TTC34: variants seen among roughly 807,000 people sequenced by gnomAD.
TTC34 encodes the protein tetratricopeptide repeat protein 34.
TTC34 carries 44 observed loss-of-function variants against 40.7 expected under a neutral mutation model. That is an observed-to-expected ratio of 1.08 (90% confidence interval 0.85 to 1.39). The LOEUF (loss-of-function observed/expected upper bound fraction) is 1.39, where lower values mean the gene tolerates loss of function less well. Among genes scored for constraint, TTC34 ranks in the 40% most tolerant of loss-of-function variants. TTC34 has a pLI of 0.00. For synonymous variants in TTC34, 422 were observed against 398.6 expected (o/e 1.06, Z -0.70); for missense variants, 884 against 838.0 (o/e 1.05, Z -0.68).
chr1:2,655,246 A>AGTCTGCT lies in TTC34; in HGVS notation c.2227-9684_2227-9683insAGCAGAC, dbSNP rs1223946446. 3.7e-5 allele frequency among the ~76,000 whole-genome samples: 4 copies of AGTCTGCT among 106,904 alleles called. No individual in the cohort carries two copies. The Admixed American group carries it at 4.5e-4, about 12-fold the overall frequency. 70.1% of individuals were successfully genotyped at this position (106,904 alleles called of 152,430 possible). A position where few individuals can be genotyped will look rare whatever the true frequency, so the allele number is the denominator to read the frequency against. On this transcript the variant is annotated intron_variant, in intron 6 of 8. Transcript: ENST00000401095. ...TGAGCATCTGACAGGCTGGAGCAGC[A>AGTCTGCT]CGCACACCCCCAGTGAGCATCTGAC... is the stretch of plus-strand genomic sequence containing the variant.
At chr1:2,683,392 G>A (rs1256881757) in intron 6 of TTC34, among the ~76,000 whole-genome samples, 2 of 17,408 alleles carry the variant, frequency 1.1e-4, no homozygotes, top group East Asian at 1.7e-3. Context: ...GCACCCACAC[G>A]CCCAGGTGAG....
intron 6 of TTC34, among the ~76,000 whole-genome samples, chr1:2,687,151 A>G (rs1472284405): frequency 6.9e-6 from 1 of 144,032 alleles, no homozygotes; most frequent in Non-Finnish European, 1.5e-5. Context: ...GACAGCCTGG[A>G]ACAGTACCCA....
intron 6 of TTC34, among the ~76,000 whole-genome samples, chr1:2,757,667 A>T (rs1641551843): frequency 6.9e-6 from 1 of 144,094 alleles, no homozygotes; most frequent in Non-Finnish European, 1.5e-5. Flanking sequence ...AGCAGGACCC[A>T]CACCCCTAGG....
At chr1:2,681,104 CCCCAGG>C (rs1640050859) in intron 6 of TTC34, among the ~76,000 whole-genome samples, 1 of 86,488 alleles carries the variant, frequency 1.2e-5, no homozygotes, top group African/African-American at 4.1e-5. Context: ...GTGCCCACAC[CCCCAGG>C]TGAGCATCTG....
At chr1:2,750,899 A>T (rs1368881176) in intron 6 of TTC34, among the ~76,000 whole-genome samples, 1 of 108,968 alleles carries the variant, frequency 9.2e-6, no homozygotes, top group Non-Finnish European at 1.8e-5. Context: ...CCAGGCGAGC[A>T]TCTGAACGCA....
chr1:2,686,593 C>T (rs1210645099), intron 6 of TTC34, among the ~76,000 whole-genome samples: 1 of 144,684 alleles, frequency 6.9e-6, no homozygotes, highest in African/African-American at 2.7e-5. Flanking sequence ...CCTGGAACAG[C>T]ACACACACCC....
chr1:2,684,898 C>A (rs1402669740), intron 6 of TTC34, among the ~76,000 whole-genome samples: 2 of 114,508 alleles, frequency 1.7e-5, no homozygotes, highest in East Asian at 2.9e-4. Context: ...CATCTGACAG[C>A]CTGGAACAGC....
In TTC34 at chr1:2,783,685, ACT is replaced by A. The variant is rs1304656924; in HGVS notation, c.2148_2149del (p.Val717AlafsTer4). ...CACGTTCCCCGGCTCAGCCCGCAGC[ACT>A]GTGTTGAAGTCGAACATGGCCGTCT... On this transcript the variant is annotated frameshift_variant, in exon 6 of 9. Transcript: ENST00000401095. LOFTEE classifies it high-confidence loss of function. 6.5e-7 allele frequency: 1 copy of A among 1,544,186 alleles called. No homozygotes were observed. The highest frequency in any genetic ancestry group is 8.7e-7 in the Non-Finnish European group (1 of 1,143,024).
intron 6 of TTC34, chr1:2,775,228 C>A (rs1326752738): frequency 1.3e-5 from 2 of 150,310 alleles, no homozygotes; most frequent in South Asian, 2.1e-4. Flanking sequence ...AGCATCCACA[C>A]CCCCAGGCGA....
At chr1:2,767,551 C>G (rs1265951006) in intron 6 of TTC34, among the ~76,000 whole-genome samples, 1 of 117,448 alleles carries the variant, frequency 8.5e-6, no homozygotes, top group African/African-American at 3.4e-5. Flanking sequence ...ACGCATAAAA[C>G]AGCACCCTGC....
chr1:2,638,800 G>T (rs2100982097), exon 9 of TTC34: 1 of 152,472 alleles, frequency 6.6e-6, no homozygotes, highest in Middle Eastern at 3.4e-3. Flanking sequence ...GGGATAAGGG[G>T]AACCGAGACT....
intron 6 of TTC34, among the ~76,000 whole-genome samples, chr1:2,753,385 A>G (rs1641392470): frequency 7.8e-6 from 1 of 128,536 alleles, no homozygotes; most frequent in Non-Finnish European, 1.6e-5. Context: ...CCCCCAGGCG[A>G]GCATCTGACA....
At chr1:2,756,865 AC>A (rs1641524043) in intron 6 of TTC34, among the ~76,000 whole-genome samples, 1 of 150,574 alleles carries the variant, frequency 6.6e-6, no homozygotes, top group African/African-American at 2.5e-5. Flanking sequence ...CGGCACCCAC[AC>A]CTCCAGGTGA....
chr1:2,675,220 A>T (rs1214184636), intron 6 of TTC34, among the ~76,000 whole-genome samples: 1 of 144,748 alleles, frequency 6.9e-6, no homozygotes, highest in Non-Finnish European at 1.5e-5. Context: ...AGCATCTGAG[A>T]GCCTGGAACA....
At chr1:2,673,361 G>T (rs564608348) in intron 6 of TTC34, among the ~76,000 whole-genome samples, 25 of 71,210 alleles carry the variant, frequency 3.5e-4, no homozygotes, top group African/African-American at 1.2e-3. Flanking sequence ...CACGGCCACA[G>T]GCGAGCATCT....
At chr1:2,783,515 T>C (rs1022611756) in intron 6 of TTC34, 94 bp downstream of exon 6, 2 of 1,252,052 alleles carry the variant, frequency 1.6e-6, no homozygotes, top group South Asian at 2.6e-5. Flanking sequence ...CAGGATGGCC[T>C]ACCCGGCTCC....
intron 6 of TTC34, among the ~76,000 whole-genome samples, chr1:2,780,819 T>A (rs749891827): frequency 1.3e-5 from 2 of 152,164 alleles, no homozygotes; most frequent in Non-Finnish European, 2.9e-5. Flanking sequence ...TTGACAGAGA[T>A]TGCATTGAAT....
At chr1:2,637,801 C>G (rs1318975447) in exon 9 of TTC34, 2 of 152,226 alleles carry the variant, frequency 1.3e-5, no homozygotes, top group African/African-American at 2.4e-5. Context: ...TCCTGAGAGC[C>G]TCGGGGCTGC....
chr1:2,688,662 C>A (rs1161401904), intron 6 of TTC34, among the ~76,000 whole-genome samples: 3 of 130,332 alleles, frequency 2.3e-5, no homozygotes, highest in Admixed American at 7.6e-5. Flanking sequence ...CACAGGTGAG[C>A]CTCTGACAGC....
Sources: gnomAD v4.1 joint callset for allele counts (sites outside exome capture counted in the v4.1 genomes callset) on GRCh38, gnomAD v4.1.1 for gene constraint, MANE v1.5 for transcripts, NCBI Gene and HGNC (gene_info 2026-07-23, HGNC 2026-07-21) for gene names.